The following CUX1 variants were observed in gnomAD, a reference collection of about 807,000 sequenced individuals.
The protein encoded by CUX1 is protein CASP.
Under a neutral mutation model 158.8 loss-of-function variants are expected in CUX1, and 31 were observed. That is an observed-to-expected ratio of 0.20 (90% CI 0.15 to 0.26). The LOEUF (loss-of-function observed/expected upper bound fraction) is 0.26, where lower values mean the gene tolerates loss of function less well. Among genes scored for constraint, CUX1 ranks in the 10% least tolerant of loss-of-function variants. The probability of loss-of-function intolerance (pLI) is 1.00; values close to 1 mark genes in which losing one functional copy is unlikely to be tolerated. For synonymous variants in CUX1, 879 were observed against 862.1 expected (o/e 1.02, Z -0.34); for missense variants, 1,589 against 2,014.6 (o/e 0.79, Z 4.04).
chr7:102,045,576 A>G (rs1237443408), intron 3 of CUX1, among the ~76,000 whole-genome samples: 1 of 152,298 alleles, frequency 6.6e-6, no homozygotes, highest in African/African-American at 2.4e-5. Context: ...AGGAGCTTTG[A>G]AAACAACGGC....
chr7:102,003,145 C>T (rs918834817), intron 2 of CUX1, among the ~76,000 whole-genome samples: 2 of 152,156 alleles, frequency 1.3e-5, no homozygotes, highest in African/African-American at 2.4e-5. Flanking sequence ...GTGATCTGCC[C>T]GCCTCGGCCT....
At chr7:101,901,231 A>G (rs1802105762) in intron 1 of CUX1, among the ~76,000 whole-genome samples, 1 of 152,092 alleles carries the variant, frequency 6.6e-6, no homozygotes. Context: ...ACAGGGCTAT[A>G]CAAAAAATCA....
chr7:102,268,811 G>T (rs896249016), intron 14 of CUX1, among the ~76,000 whole-genome samples: 6 of 151,968 alleles, frequency 3.9e-5, no homozygotes. Flanking sequence ...GAGAATGGGG[G>T]TGGGGGAGGT....
chr7:102,201,568 C>T lies in CUX1; in HGVS notation c.2271C>T (p.Tyr757=), dbSNP rs1554519742. The part of the protein sequence containing the change: ...STSPMPTVSS[Y]PPLAISLKKP... ...CGCCCATGCCCACCGTGTCCAGCTA[C>T]CCACCTCTCGCCATCTCCCTGAAGA... The change falls in exon 18 of 24, where the codon TAC becomes TAT. Residue 757 remains tyrosine, a synonymous_variant. Transcript: ENST00000292535. This position sits in a 1 kb window ranked among gnomAD's most constrained non-coding sequence, Gnocchi z 5.0. The T allele has an allele frequency of 1.9e-6, 3 of 1,614,174 alleles. No individual in the cohort carries two copies. In the South Asian group the frequency reaches 3.3e-5, roughly 18 times the overall value.
chr7:101,923,773 G>A (rs868867290), intron 2 of CUX1, among the ~76,000 whole-genome samples: 1 of 152,180 alleles, frequency 6.6e-6, no homozygotes, highest in Non-Finnish European at 1.5e-5. Flanking sequence ...TGGCTGCGGC[G>A]GCAGCCCTGA....
chr7:101,926,844 A>C (rs1805649853), intron 2 of CUX1, among the ~76,000 whole-genome samples: 1 of 152,196 alleles, frequency 6.6e-6, no homozygotes, highest in Non-Finnish European at 1.5e-5. Flanking sequence ...GTAGGTGCTC[A>C]ACAAACACCC....
At chr7:101,959,238 AGTGTGTGTGT>A (rs55733311) in intron 2 of CUX1, among the ~76,000 whole-genome samples, 167 of 145,814 alleles carry the variant, frequency 1.1e-3, no homozygotes, top group East Asian at 3.3e-3. Context: ...ATGTGTGTGC[AGTGTGTGTGT>A]GTGTGTGTGT....
At chr7:101,932,396 T>C (rs1806390600) in intron 2 of CUX1, 1 of 347,528 alleles carries the variant, frequency 2.9e-6, no homozygotes, top group Non-Finnish European at 5.8e-6. Flanking sequence ...ATTAGCCTTC[T>C]CCAGGGAGGA....
intron 23 of CUX1, among the ~76,000 whole-genome samples, chr7:102,242,392 G>C (rs553945773): frequency 6.6e-6 from 1 of 151,870 alleles, no homozygotes; most frequent in South Asian, 2.1e-4. Context: ...TGTATTTCTA[G>C]TAGAGACTGG....
At chr7:101,935,105 T>A (rs542375001) in intron 2 of CUX1, among the ~76,000 whole-genome samples, 8 of 152,148 alleles carry the variant, frequency 5.3e-5, no homozygotes, top group Non-Finnish European at 5.9e-5. Flanking sequence ...TTCCTGCCTT[T>A]ACTGATGACA....
intron 22 of CUX1, among the ~76,000 whole-genome samples, chr7:102,238,845 T>C (rs968715320): frequency 6.6e-6 from 1 of 152,250 alleles, no homozygotes; most frequent in Non-Finnish European, 1.5e-5. Flanking sequence ...GAGCATGTGC[T>C]GGTAACAGAA....
chr7:102,206,466 A>G (rs115415916), intron 20 of CUX1, among the ~76,000 whole-genome samples: 174 of 152,312 alleles, frequency 1.1e-3, no homozygotes, highest in African/African-American at 3.7e-3. Context: ...CTGGAGTTTT[A>G]CGGACGTCTG....
Position 102,253,028 on chromosome 7 carries a change from T to G in CUX1, c.*3986T>G, listed in dbSNP as rs1801683453. The stretch of plus-strand genomic sequence containing the variant: ...ATCAAAACCTGCTACTTTGTGCAAG[T>G]AATTGAGGCAAAAGATACCAGTCGA... On this transcript the variant is annotated 3_prime_UTR_variant, in exon 24 of 24. Coordinates refer to ENST00000292535, the MANE Select transcript of CUX1 (RefSeq NM_181552.4). 15 of 985,406 alleles carry G rather than the reference T, an allele frequency of 1.5e-5. No individual in the cohort carries two copies. The South Asian group carries it at 6.6e-4, about 43-fold the overall frequency. The allele number at this position is 985,406 out of a possible 1,614,324, so 61.0% of individuals were successfully genotyped here. A position where few individuals can be genotyped will look rare whatever the true frequency, so the allele number is the denominator to read the frequency against.
At chr7:101,999,274 T>G (rs1424740221) in intron 2 of CUX1, among the ~76,000 whole-genome samples, 4 of 137,198 alleles carry the variant, frequency 2.9e-5, no homozygotes, top group African/African-American at 1.1e-4. Context: ...CAGGCTGGTC[T>G]CAAATTCCTG....
intron 11 of CUX1, among the ~76,000 whole-genome samples, chr7:102,183,625 G>T (rs1793349934): frequency 6.6e-6 from 1 of 152,138 alleles, no homozygotes; most frequent in African/African-American, 2.4e-5. Flanking sequence ...CTGGACCCCA[G>T]AGATGCAGTG....
intron 9 of CUX1, among the ~76,000 whole-genome samples, chr7:102,164,933 C>T (rs1024266523): frequency 5.3e-5 from 8 of 152,068 alleles, no homozygotes; most frequent in Admixed American, 3.9e-4. Flanking sequence ...AGAAAACCCC[C>T]CTCCCCCGCC....
At chr7:101,948,226 G>A (rs192626565) in intron 2 of CUX1, among the ~76,000 whole-genome samples, 24 of 152,124 alleles carry the variant, frequency 1.6e-4, no homozygotes, top group African/African-American at 5.6e-4. Context: ...TACCATTTTT[G>A]TCCTATTCTA....
intron 1 of CUX1, among the ~76,000 whole-genome samples, chr7:101,896,900 C>T (rs74826146): frequency 2.6e-5 from 4 of 152,146 alleles, no homozygotes; most frequent in East Asian, 1.9e-4. Context: ...TAAGTTCTTA[C>T]GAGCAGTCAG....
intron 8 of CUX1, among the ~76,000 whole-genome samples, chr7:102,136,722 G>T (rs1585855592): frequency 6.6e-6 from 1 of 152,180 alleles, no homozygotes; most frequent in Non-Finnish European, 1.5e-5. Flanking sequence ...ACTTGGGAGA[G>T]AAATGTATGT....
Sources: gnomAD v4.1 joint callset for allele counts (sites outside exome capture counted in the v4.1 genomes callset) on GRCh38, gnomAD v4.1.1 for gene constraint, Gnocchi (gnomAD v3.1) non-coding constraint, MANE v1.5 for transcripts, NCBI Gene and HGNC (gene_info 2026-07-23, HGNC 2026-07-21) for gene names.